SENP7: variants seen among roughly 807,000 people sequenced by gnomAD.
The protein encoded by SENP7 is SUMO specific peptidase 7.
In SENP7, 64 loss-of-function variants were observed where a neutral mutation model predicts 141.2. That is an observed-to-expected ratio of 0.45 (90% confidence interval 0.37 to 0.56). The LOEUF is 0.56. Among genes scored for constraint, SENP7 ranks in the 20% least tolerant of loss-of-function variants. The pLI is 0.00. For synonymous variants in SENP7, 382 were observed against 426.4 expected (o/e 0.90, Z 1.28); for missense variants, 1,025 against 1,212.2 (o/e 0.85, Z 2.29).
At chr3:101,453,981 C>G (rs1231362427) in intron 4 of SENP7, among the ~76,000 whole-genome samples, 1 of 151,380 alleles carries the variant, frequency 6.6e-6, no homozygotes, top group Non-Finnish European at 1.5e-5. Flanking sequence ...ACTTCACACT[C>G]ACTAGGATGG....
At chr3:101,360,274 G>T (rs1221828314) in intron 11 of SENP7, among the ~76,000 whole-genome samples, 3 of 152,070 alleles carry the variant, frequency 2.0e-5, no homozygotes, top group African/African-American at 7.2e-5. Context: ...TTGGGATTAG[G>T]TCTTTGTCTG....
intron 2 of SENP7, among the ~76,000 whole-genome samples, chr3:101,498,096 C>A (rs548249526): frequency 9.2e-5 from 14 of 152,164 alleles, no homozygotes; most frequent in Admixed American, 2.6e-4. Context: ...CACACTGGCC[C>A]CTTATAGAAG....
chr3:101,495,861 C>G (rs920801110), intron 2 of SENP7, among the ~76,000 whole-genome samples: 4 of 152,102 alleles, frequency 2.6e-5, no homozygotes, highest in Non-Finnish European at 5.9e-5. Context: ...ATGCAATGAT[C>G]CTACACATCC....
chr3:101,512,611 G>T (rs963184482), intron 1 of SENP7, among the ~76,000 whole-genome samples: 1 of 152,274 alleles, frequency 6.6e-6, no homozygotes, highest in Middle Eastern at 3.4e-3. Context: ...AGGAGTCTCC[G>T]GTCGCAAGCC....
chr3:101,393,502 C>G (rs1298465687), intron 6 of SENP7, among the ~76,000 whole-genome samples: 1 of 151,952 alleles, frequency 6.6e-6, no homozygotes, highest in Non-Finnish European at 1.5e-5. Context: ...AAAAAGAAAA[C>G]AAATAATCCA....
intron 4 of SENP7, chr3:101,457,654 C>A (rs1576414212): frequency 6.7e-7 from 1 of 1,500,572 alleles, no homozygotes; most frequent in East Asian, 2.3e-5. Flanking sequence ...CTTCTACGAG[C>A]AGTTCCTTTC....
At chr3:101,431,923 G>A (rs2317701) in intron 4 of SENP7, among the ~76,000 whole-genome samples, 60,330 of 151,922 alleles carry the variant, frequency 0.4, 12,502 homozygotes, top group Admixed American at 0.54. Flanking sequence ...AATTAAAAGG[G>A]GATTTTGTCT....
chr3:101,429,528 C>G (rs2062082808), intron 4 of SENP7, among the ~76,000 whole-genome samples: 2 of 152,126 alleles, frequency 1.3e-5, no homozygotes, highest in Non-Finnish European at 2.9e-5. Context: ...GTGATTTTTG[C>G]ACATTGATTT....
chr3:101,481,342 G>A (rs2064470217), intron 3 of SENP7, among the ~76,000 whole-genome samples: 1 of 152,140 alleles, frequency 6.6e-6, no homozygotes, highest in African/African-American at 2.4e-5. Flanking sequence ...ACAGAAACAT[G>A]GACGCAACTG....
chr3:101,436,361 G>A (rs1179425249), intron 4 of SENP7, among the ~76,000 whole-genome samples: 1 of 152,064 alleles, frequency 6.6e-6, no homozygotes, highest in Non-Finnish European at 1.5e-5. Context: ...CATTGGTCTG[G>A]GCTAATATTT....
intron 5 of SENP7, among the ~76,000 whole-genome samples, chr3:101,404,765 G>A (rs2061249400): frequency 6.6e-6 from 1 of 152,032 alleles, no homozygotes; most frequent in African/African-American, 2.4e-5. Context: ...GTGGGCAAAG[G>A]ACATGAACAG....
At chr3:101,480,121 A>G (rs997013868) in intron 3 of SENP7, among the ~76,000 whole-genome samples, 3 of 152,100 alleles carry the variant, frequency 2.0e-5, no homozygotes, top group Non-Finnish European at 2.9e-5. Context: ...TACAGATTCA[A>G]TGCAATCCCT....
chr3:101,332,675 T>A (rs1216331560), intron 18 of SENP7, 95 bp downstream of exon 18: 3 of 667,378 alleles, frequency 4.5e-6, no homozygotes, highest in Non-Finnish European at 7.0e-6. Context: ...GAGATGTATG[T>A]GGCCATAATT....
chr3:101,362,891 T>C (rs1482023516), intron 10 of SENP7, among the ~76,000 whole-genome samples: 1 of 152,194 alleles, frequency 6.6e-6, no homozygotes, highest in Non-Finnish European at 1.5e-5. Context: ...CAGCAGCAAC[T>C]CTTTCCCACT....
At chr3:101,412,092 G>T (rs1050368360) in intron 5 of SENP7, among the ~76,000 whole-genome samples, 1 of 152,134 alleles carries the variant, frequency 6.6e-6, no homozygotes, top group African/African-American at 2.4e-5. Flanking sequence ...GAACTAGAAA[G>T]AGCTATTAAC....
intron 3 of SENP7, among the ~76,000 whole-genome samples, chr3:101,490,402 T>C (rs1315271215): frequency 1.3e-5 from 2 of 152,122 alleles, no homozygotes; most frequent in African/African-American, 2.4e-5. Flanking sequence ...GATTCCATTT[T>C]TATGAAATTT....
rs572957426 is a variant in SENP7, at chr3:101,458,899, T to C, written c.284+56A>G. 51 of 1,049,812 alleles carry C rather than the reference T, an allele frequency of 4.9e-5. 3 individuals are homozygous for C. In the South Asian group the frequency reaches 7.1e-4, roughly 15 times the overall value. The allele number at this position is 1,049,812 out of a possible 1,614,324, so 65.0% of individuals were successfully genotyped here. ...GAACCAACAAGCTTAAATGAATCAT[T>C]TATGGTCAACTTTATAGGTTAAGCC... On this transcript the variant is annotated intron_variant, in intron 4 of 23. Coordinates refer to ENST00000394095, the MANE Select transcript of SENP7 (RefSeq NM_020654.5).
intron 3 of SENP7, 140 bp downstream of exon 3, chr3:101,493,733 A>G (rs759638237): frequency 1.4e-5 from 7 of 495,792 alleles, no homozygotes; most frequent in Non-Finnish European, 2.2e-5. Flanking sequence ...CATGCCAAAA[A>G]TGAACTAAAA....
intron 3 of SENP7, among the ~76,000 whole-genome samples, chr3:101,463,396 T>TATACATATATATATATATATAC (rs1320861204): frequency 4.2e-4 from 35 of 82,844 alleles, no homozygotes; most frequent in African/African-American, 2.1e-3. Context: ...TATATATATA[T>TATACATATATATATATATATAC]ACATATATAT....
Sources: allele counts gnomAD v4.1 joint callset (sites outside exome capture counted in the v4.1 genomes callset), GRCh38; gene constraint gnomAD v4.1.1; transcripts MANE v1.5; gene names NCBI Gene and HGNC (gene_info 2026-07-23, HGNC 2026-07-21).